PCDHGA1: variants seen among roughly 807,000 people sequenced by gnomAD.
PCDHGA1 encodes the protein protocadherin gamma subfamily A, 1.
PCDHGA1 carries 32 observed loss-of-function variants against 58.0 expected under a neutral mutation model. That is an observed-to-expected ratio of 0.55 (90% CI 0.42 to 0.74). The LOEUF (loss-of-function observed/expected upper bound fraction) is 0.74. Among genes scored for constraint, PCDHGA1 ranks in the 30% least tolerant of loss-of-function variants. The pLI, the probability that PCDHGA1 is intolerant of heterozygous loss-of-function variation, is 0.00. For synonymous variants in PCDHGA1, 498 were observed against 501.1 expected (o/e 0.99, Z 0.08); for missense variants, 1,205 against 1,182.3 (o/e 1.02, Z -0.28).
chr5:141,409,256 C>G (rs1212394349), intron 1 of PCDHGA1: 2 of 1,613,918 alleles, frequency 1.2e-6, no homozygotes, highest in African/African-American at 2.7e-5. Context: ...CATCACTTCT[C>G]TCTCTGATCA....
rs2099883850 is a variant in PCDHGA1, at chr5:141,511,565, A to T, written c.*392A>T. The T allele has an allele frequency of 3.4e-6, 1 of 295,974 alleles. No homozygotes were observed. Among genetic ancestry groups the T allele is most frequent in the African/African-American group, 2.2e-5 (1 of 46,502 alleles). The allele number at this position is 295,974 out of a possible 1,614,324, so 18.3% of individuals were successfully genotyped here. The stretch of plus-strand genomic sequence containing the variant: ...CCACTCCAACAGTTCCTCTTTCCCG[A>T]GTAAGGTGGTTGGGGTGTTGAAGTA... On this transcript the variant is annotated 3_prime_UTR_variant, in exon 4 of 4. Coordinates refer to ENST00000517417, the MANE Select transcript of PCDHGA1 (RefSeq NM_018912.3).
Position 141,491,984 on chromosome 5 carries a change from C to G in PCDHGA1, c.2422-2823C>G. 1.4e-6 allele frequency: 1 copy of G among 734,256 alleles called. No homozygotes were observed. The highest frequency in any genetic ancestry group is 3.2e-5 in the East Asian group (1 of 31,678). The allele number at this position is 734,256 out of a possible 1,614,324, so 45.5% of individuals were successfully genotyped here. ...AAGGCCGGGGCCTCCTTCGAGCTTC[C>G]GGTGAATTTCGGGCGATTTCCGCGG... On this transcript the variant is annotated intron_variant, in intron 1 of 3. Coordinates refer to ENST00000517417, the MANE Select transcript of PCDHGA1 (RefSeq NM_018912.3). The surrounding 1 kb of genome is among the most constrained non-coding windows in gnomAD (Gnocchi z 6.9).
At chr5:141,363,078 A>G (rs1338723050) in intron 1 of PCDHGA1, among the ~76,000 whole-genome samples, 1 of 152,256 alleles carries the variant, frequency 6.6e-6, no homozygotes. Flanking sequence ...TGGAATCACA[A>G]ATGTATTTCT....
At chr5:141,464,223 CCACTGCA>C (rs916210777) in intron 1 of PCDHGA1, among the ~76,000 whole-genome samples, 4 of 150,824 alleles carry the variant, frequency 2.7e-5, no homozygotes, top group Non-Finnish European at 4.4e-5. Flanking sequence ...TGAGATTGCG[CCACTGCA>C]CTCCAGCCTG....
chr5:141,349,122 C>A (rs537716111), intron 1 of PCDHGA1, among the ~76,000 whole-genome samples: 149 of 152,222 alleles, frequency 9.8e-4, no homozygotes, highest in African/African-American at 3.5e-3. Context: ...CCAGGATGGA[C>A]TTCAGTGGCA....
intron 1 of PCDHGA1, among the ~76,000 whole-genome samples, chr5:141,405,997 C>T (rs1589599248): frequency 6.6e-6 from 1 of 151,926 alleles, no homozygotes; most frequent in Non-Finnish European, 1.5e-5. Context: ...TAGCTCTCAG[C>T]CTGCATTGAT....
intron 1 of PCDHGA1, chr5:141,389,509 C>T: frequency 6.2e-7 from 1 of 1,613,118 alleles, no homozygotes; most frequent in Non-Finnish European, 8.5e-7. Flanking sequence ...GCGCTCAGCG[C>T]GAACGTGAGC....
chr5:141,394,652 G>T (rs1589237070), intron 1 of PCDHGA1: 1 of 1,613,422 alleles, frequency 6.2e-7, no homozygotes, highest in Non-Finnish European at 8.5e-7. Flanking sequence ...AGGCCAGCGA[G>T]CCGGGACTCT....
rs185786686 is a variant in PCDHGA1 at position 141,384,098 on chromosome 5, A to G, written c.2421+50993A>G. 9.4e-3 allele frequency: 14,953 copies of G among 1,596,884 alleles called. 110 individuals carry two copies. The highest frequency in any genetic ancestry group is 0.01 in the Non-Finnish European group (12,057 of 1,171,020). On this transcript the variant is annotated intron_variant, in intron 1 of 3. Transcript: ENST00000517417. ...TTTAAATTAGAAAAATCAATAGATA[A>G]TTATTATAGATTGGTCACAACCAAA... is the stretch of plus-strand genomic sequence containing the variant.
At chr5:141,395,036 G>A in intron 1 of PCDHGA1, 2 of 1,614,110 alleles carry the variant, frequency 1.2e-6, no homozygotes, top group Non-Finnish European at 8.5e-7. Context: ...CACATTTTGT[G>A]GGTGTTGAGG....
Position 141,418,384 on chromosome 5 carries a change from C to T in PCDHGA1, c.2422-76423C>T, listed in dbSNP as rs774636792. 5 of 1,613,982 alleles carry T rather than the reference C, an allele frequency of 3.1e-6. No homozygotes were observed. In the South Asian group the frequency reaches 4.4e-5, roughly 14 times the overall value. ...TGAGCAAATACCAACTAAGTCCTAA[C>T]GAGTATTTCTCATTGGTGGAGAAAG... is the stretch of plus-strand genomic sequence containing the variant. On this transcript the variant is annotated intron_variant, in intron 1 of 3. Coordinates refer to ENST00000517417, the MANE Select transcript of PCDHGA1 (RefSeq NM_018912.3).
chr5:141,394,624 T>A (rs542816387), intron 1 of PCDHGA1: 6 of 1,612,992 alleles, frequency 3.7e-6, no homozygotes, highest in Non-Finnish European at 5.1e-6. Flanking sequence ...AACGCCTGGC[T>A]GTCCTACCGC....
At chr5:141,389,577 C>A in intron 1 of PCDHGA1, 1 of 1,613,244 alleles carries the variant, frequency 6.2e-7, no homozygotes. Context: ...GTACCCCGCG[C>A]TGGGTCCCGA....
rs780685929 is a variant in PCDHGA1 at position 141,389,589 on chromosome 5, G to A, written c.2421+56484G>A. 10 of 1,613,050 alleles carry A rather than the reference G, an allele frequency of 6.2e-6. No individual in the cohort carries two copies. In the Middle Eastern group the frequency reaches 5.0e-4, roughly 81 times the overall value. On this transcript the variant is annotated intron_variant, in intron 1 of 3. Coordinates refer to ENST00000517417, the MANE Select transcript of PCDHGA1 (RefSeq NM_018912.3). ...GCTGTACCCCGCGCTGGGTCCCGAC[G>A]GCTCTGCGCTCTTCGATATGGTGCC...
intron 1 of PCDHGA1, among the ~76,000 whole-genome samples, chr5:141,460,251 A>G (rs2098984972): frequency 6.6e-6 from 1 of 152,114 alleles, no homozygotes; most frequent in Admixed American, 6.6e-5. Context: ...TAATTTTGAT[A>G]AAGCCCAATT....
At chr5:141,505,604 G>T (rs772730114) in intron 3 of PCDHGA1, 123 bp downstream of exon 3, 1 of 1,535,418 alleles carries the variant, frequency 6.5e-7, no homozygotes, top group Non-Finnish European at 8.8e-7. Flanking sequence ...CTTTCGGCAG[G>T]TCTGAAAGGA....
At position 141,395,103 on chromosome 5, in the gene PCDHGA1, C is replaced by T. The variant is rs1462569715; in HGVS notation, c.2421+61998C>T. 9 of 1,614,156 alleles carry T rather than the reference C, an allele frequency of 5.6e-6. No homozygotes were observed. The highest frequency in any genetic ancestry group is 1.1e-5 in the South Asian group (1 of 91,074). On this transcript the variant is annotated intron_variant, in intron 1 of 3. Transcript: ENST00000517417. ...GGAAGTCTCCCTCACCGCCGACTCG[C>T]GGAAGAGTCACCTGATCTTTCCCCA... is the stretch of plus-strand genomic sequence containing the variant.
At chr5:141,344,071 T>C (rs1402188187) in intron 1 of PCDHGA1, 2 of 1,601,178 alleles carry the variant, frequency 1.2e-6, no homozygotes, top group Non-Finnish European at 1.7e-6. Context: ...GGCAGAGGAC[T>C]GGCCCTGCTG....
At chr5:141,427,132 G>A (rs755992698) in intron 1 of PCDHGA1, 1 of 457,106 alleles carries the variant, frequency 2.2e-6, no homozygotes, top group South Asian at 1.5e-5. Flanking sequence ...AAATCCCTAC[G>A]AGATGATATT....
Sources: allele counts gnomAD v4.1 joint callset (sites outside exome capture counted in the v4.1 genomes callset), GRCh38; gene constraint gnomAD v4.1.1; non-coding constraint Gnocchi (gnomAD v3.1); transcripts MANE v1.5; gene names NCBI Gene and HGNC (gene_info 2026-07-23, HGNC 2026-07-21).